Variants in CTNNA3 observed in about 807,000 individuals in gnomAD.
CTNNA3 encodes catenin alpha 3, also known as catenin alpha-3.
Under a neutral mutation model 95.7 loss-of-function variants are expected in CTNNA3, and 76 were observed. The ratio of observed to expected loss-of-function variants is 0.79; its 90% CI spans 0.66 to 0.96. The LOEUF (loss-of-function observed/expected upper bound fraction) is 0.96, where lower values mean the gene tolerates loss of function less well. Ranked by LOEUF, CTNNA3 falls within the 40% of genes least tolerant of loss-of-function variation. The probability of loss-of-function intolerance (pLI) is 0.00; values close to 1 mark genes in which losing one functional copy is unlikely to be tolerated. For synonymous variants in CTNNA3, 431 were observed against 374.4 expected (o/e 1.15, Z -1.74); for missense variants, 1,191 against 1,089.8 (o/e 1.09, Z -1.31).
At chr10:67,106,775 T>C (rs1858658127) in intron 7 of CTNNA3, among the ~76,000 whole-genome samples, 1 of 152,204 alleles carries the variant, frequency 6.6e-6, no homozygotes, top group Non-Finnish European at 1.5e-5. Context: ...AAATTCTACC[T>C]ATTTAAGGCT....
chr10:67,136,804 T>C (rs1860327324), intron 7 of CTNNA3, among the ~76,000 whole-genome samples: 1 of 152,154 alleles, frequency 6.6e-6, no homozygotes, highest in South Asian at 2.1e-4. Context: ...GAAATCATCC[T>C]AGCAGGGGGA....
At chr10:66,824,701 G>A (rs962427852) in intron 7 of CTNNA3, among the ~76,000 whole-genome samples, 1 of 152,050 alleles carries the variant, frequency 6.6e-6, no homozygotes, top group Non-Finnish European at 1.5e-5. Context: ...AACCCAAATT[G>A]AAAGACGTTC....
chr10:67,264,073 T>C (rs1866722626), intron 5 of CTNNA3, among the ~76,000 whole-genome samples: 1 of 152,152 alleles, frequency 6.6e-6, no homozygotes, highest in Non-Finnish European at 1.5e-5. Flanking sequence ...TTTTACAATA[T>C]TTTATATTAA....
intron 7 of CTNNA3, among the ~76,000 whole-genome samples, chr10:66,910,427 A>T (rs1846172874): frequency 6.6e-6 from 1 of 152,020 alleles, no homozygotes; most frequent in Non-Finnish European, 1.5e-5. Flanking sequence ...CTTAACCATC[A>T]CTTCTGCTGG....
At chr10:66,313,071 G>A (rs2092046346) in intron 12 of CTNNA3, among the ~76,000 whole-genome samples, 2 of 152,186 alleles carry the variant, frequency 1.3e-5, no homozygotes, top group Non-Finnish European at 2.9e-5. Context: ...TGAGAAGAGA[G>A]AGAGTGTATC....
intron 17 of CTNNA3, among the ~76,000 whole-genome samples, chr10:65,931,996 T>A (rs543354524): frequency 6.6e-6 from 1 of 152,322 alleles, no homozygotes; most frequent in South Asian, 2.1e-4. Context: ...GATGTTGGTC[T>A]TTGTGTAAAT....
At chr10:67,613,173 A>G (rs1043645396) in intron 2 of CTNNA3, among the ~76,000 whole-genome samples, 37 of 152,024 alleles carry the variant, frequency 2.4e-4, no homozygotes, top group African/African-American at 8.7e-4. Flanking sequence ...AGCAACCTCA[A>G]CCTGGGGTGA....
chr10:66,408,390 A>C (rs2093074388), intron 11 of CTNNA3, among the ~76,000 whole-genome samples: 1 of 143,080 alleles, frequency 7.0e-6, no homozygotes, highest in South Asian at 2.4e-4. Flanking sequence ...ATTTTCATAG[A>C]GTATATGTCA....
chr10:66,643,715 C>T (rs1845594626), intron 9 of CTNNA3, among the ~76,000 whole-genome samples: 1 of 152,186 alleles, frequency 6.6e-6, no homozygotes, highest in Non-Finnish European at 1.5e-5. Context: ...TAATTCACTT[C>T]ATTAACAATT....
At chr10:66,861,827 T>G (rs1402332502) in intron 7 of CTNNA3, among the ~76,000 whole-genome samples, 1 of 152,218 alleles carries the variant, frequency 6.6e-6, no homozygotes, top group African/African-American at 2.4e-5. Flanking sequence ...AATAATTATC[T>G]TACTTGTTTC....
chr10:67,326,567 C>A (rs189118770), intron 5 of CTNNA3, among the ~76,000 whole-genome samples: 3 of 152,290 alleles, frequency 2.0e-5, no homozygotes, highest in Non-Finnish European at 2.9e-5. Context: ...TTTCCTCTGG[C>A]TTGTATGGTT....
At chr10:66,412,241 C>T (rs1234859933) in intron 11 of CTNNA3, among the ~76,000 whole-genome samples, 3 of 151,894 alleles carry the variant, frequency 2.0e-5, no homozygotes, top group East Asian at 3.9e-4. Context: ...CAGAAAATAG[C>T]ATCTTAAAAG....
chr10:66,992,514 T>C (rs1473245350), intron 7 of CTNNA3, among the ~76,000 whole-genome samples: 1 of 152,068 alleles, frequency 6.6e-6, no homozygotes, highest in Non-Finnish European at 1.5e-5. Flanking sequence ...AATATGTTCT[T>C]CCAGTTTGTG....
intron 3 of CTNNA3, among the ~76,000 whole-genome samples, chr10:67,572,236 A>T (rs1842002055): frequency 6.6e-6 from 1 of 152,164 alleles, no homozygotes; most frequent in South Asian, 2.1e-4. Flanking sequence ...TAATTTTTAA[A>T]ATATGACTAC....
chr10:67,726,812 TTA>T (rs1841233021), intron 1 of CTNNA3, among the ~76,000 whole-genome samples: 1 of 68,710 alleles, frequency 1.5e-5, no homozygotes, highest in African/African-American at 5.2e-5. Flanking sequence ...ACATCATATA[TTA>T]TAGATATCTA....
intron 9 of CTNNA3, among the ~76,000 whole-genome samples, chr10:66,662,385 T>C (rs760263631): frequency 6.6e-6 from 1 of 152,128 alleles, no homozygotes; most frequent in Non-Finnish European, 1.5e-5. Context: ...CCTACTACAT[T>C]TTGCTGGAAC....
rs551925052 is a variant in CTNNA3 at position 66,094,394 on chromosome 10, T to C, written c.1977+8763A>G. On this transcript the variant is annotated intron_variant, in intron 14 of 17. Coordinates refer to ENST00000433211, the MANE Select transcript of CTNNA3 (RefSeq NM_013266.4). Reference sequence around the variant, plus strand: ...ACACTAAGACCTAAAAGGGCTTTTATGTATGATGATAGATGACAGATTTTT... The same window carrying C: ...ACACTAAGACCTAAAAGGGCTTTTACGTATGATGATAGATGACAGATTTTT... 6.0e-4 allele frequency among the ~76,000 whole-genome samples: 91 copies of C among 152,218 alleles called. 1 individual carries two copies. The highest frequency in any genetic ancestry group is 2.0e-3 in the African/African-American group (85 of 41,550).
At chr10:66,748,188 A>G (rs941416038) in intron 9 of CTNNA3, among the ~76,000 whole-genome samples, 1 of 152,222 alleles carries the variant, frequency 6.6e-6, no homozygotes. Context: ...AAAACGTTCG[A>G]ATCTGGAGAT....
At chr10:66,365,557 T>C (rs181510097) in intron 12 of CTNNA3, among the ~76,000 whole-genome samples, 1 of 152,244 alleles carries the variant, frequency 6.6e-6, no homozygotes, top group East Asian at 1.9e-4. Flanking sequence ...GTATAGTCTA[T>C]TTGGTGACAT....
Sources: gnomAD v4.1 joint callset for allele counts (sites outside exome capture counted in the v4.1 genomes callset) on GRCh38, gnomAD v4.1.1 for gene constraint, MANE v1.5 for transcripts, NCBI Gene and HGNC (gene_info 2026-07-23, HGNC 2026-07-21) for gene names.